Variants in GRM8 observed in about 807,000 individuals in gnomAD.
The protein encoded by GRM8 is glutamate metabotropic receptor 8.
In GRM8, 47 loss-of-function variants were observed where a neutral mutation model predicts 87.2. The ratio of observed to expected loss-of-function variants is 0.54; its 90% confidence interval spans 0.43 to 0.69. The LOEUF (loss-of-function observed/expected upper bound fraction) is 0.69, where lower values mean the gene tolerates loss of function less well. Among genes scored for constraint, GRM8 ranks in the 30% least tolerant of loss-of-function variants. GRM8 has a pLI of 0.00. For missense variants in GRM8, 1,019 were observed against 1,139.2 expected, an observed-to-expected ratio of 0.89 and a Z score of 1.52; for synonymous variants, 396 against 404.5, an observed-to-expected ratio of 0.98 and a Z score of 0.25.
At chr7:126,852,233 G>T (rs1225128062) in intron 6 of GRM8, among the ~76,000 whole-genome samples, 3 of 152,144 alleles carry the variant, frequency 2.0e-5, no homozygotes. Context: ...GCCTGTTTCT[G>T]TGTATCCCAG....
intron 6 of GRM8, among the ~76,000 whole-genome samples, chr7:126,796,293 TATC>T (rs1821941150): frequency 6.6e-6 from 1 of 151,926 alleles, no homozygotes; most frequent in Non-Finnish European, 1.5e-5. Context: ...CACATCAACA[TATC>T]ATATCATATC....
At chr7:126,545,308 A>G (rs1817023902) in intron 8 of GRM8, among the ~76,000 whole-genome samples, 2 of 152,238 alleles carry the variant, frequency 1.3e-5, no homozygotes, top group Non-Finnish European at 2.9e-5. Context: ...TGCAGGGCAC[A>G]TATGGTATTT....
At position 126,518,818 on chromosome 7, in the gene GRM8, T is replaced by A. The variant is rs183989126; in HGVS notation, c.2430+14134A>T. On this transcript the variant is annotated intron_variant, in intron 9 of 10. Coordinates refer to ENST00000339582, the MANE Select transcript of GRM8 (RefSeq NM_000845.3). ...CATTTTTTTTTCTAAAATAAGAGCA[T>A]CTTAGAATTAAACAGACCCTTAGAG... is the stretch of plus-strand genomic sequence containing the variant. Among the ~76,000 whole-genome samples, 20 of 152,094 alleles carry A rather than the reference T, an allele frequency of 1.3e-4. No individual in the cohort carries two copies. The East Asian group carries it at 3.9e-3, about 29-fold the overall frequency.
chr7:126,760,507 T>C (rs934987114), intron 7 of GRM8, among the ~76,000 whole-genome samples: 5 of 152,186 alleles, frequency 3.3e-5, no homozygotes, highest in African/African-American at 1.2e-4. Context: ...AATTTCATGG[T>C]GATTTAATGG....
intron 3 of GRM8, among the ~76,000 whole-genome samples, chr7:127,091,759 C>A (rs1004739477): frequency 1.5e-5 from 2 of 136,828 alleles, no homozygotes; most frequent in South Asian, 2.7e-4. Context: ...TCCCGTCCCA[C>A]TGATCATCCC....
At chr7:126,920,982 C>A (rs1433596694) in intron 3 of GRM8, among the ~76,000 whole-genome samples, 1 of 152,082 alleles carries the variant, frequency 6.6e-6, no homozygotes, top group Non-Finnish European at 1.5e-5. Context: ...AGCCCACTGG[C>A]CAATGAATTT....
intron 3 of GRM8, among the ~76,000 whole-genome samples, chr7:127,040,350 C>T (rs1818307926): frequency 6.6e-6 from 1 of 152,082 alleles, no homozygotes; most frequent in African/African-American, 2.4e-5. Flanking sequence ...CACTGGAAGA[C>T]CTCCATCACT....
At chr7:126,543,507 A>G (rs1248737964) in intron 8 of GRM8, among the ~76,000 whole-genome samples, 2 of 152,246 alleles carry the variant, frequency 1.3e-5, no homozygotes, top group Non-Finnish European at 2.9e-5. Context: ...AAGACCTAAT[A>G]GGCATCAATA....
At chr7:126,765,188 G>T (rs879524937) in intron 7 of GRM8, among the ~76,000 whole-genome samples, 2 of 152,044 alleles carry the variant, frequency 1.3e-5, no homozygotes, top group Non-Finnish European at 2.9e-5. Context: ...GAGATCCTCT[G>T]CTATCCTGTG....
intron 3 of GRM8, among the ~76,000 whole-genome samples, chr7:126,967,967 C>T (rs1359944158): frequency 1.3e-5 from 2 of 152,138 alleles, no homozygotes; most frequent in Non-Finnish European, 2.9e-5. Context: ...TAATAAATCC[C>T]AATTCATATG....
At chr7:127,022,391 C>T (rs1816363066) in intron 3 of GRM8, among the ~76,000 whole-genome samples, 1 of 151,960 alleles carries the variant, frequency 6.6e-6, no homozygotes, top group Admixed American at 6.6e-5. Flanking sequence ...CAAATGTCAA[C>T]TTATAAAAGA....
chr7:126,698,125 C>T (rs866508795), intron 7 of GRM8, among the ~76,000 whole-genome samples: 6 of 152,114 alleles, frequency 3.9e-5, no homozygotes, highest in South Asian at 2.1e-4. Context: ...AAACATGCTA[C>T]GTATTCAGGA....
intron 3 of GRM8, among the ~76,000 whole-genome samples, chr7:126,993,711 T>G (rs2131969783): frequency 6.6e-6 from 1 of 152,282 alleles, no homozygotes; most frequent in East Asian, 1.9e-4. Flanking sequence ...TGCATTGAAC[T>G]GAGTTTTGCC....
At chr7:126,688,955 A>G (rs1035656976) in intron 7 of GRM8, among the ~76,000 whole-genome samples, 1 of 152,156 alleles carries the variant, frequency 6.6e-6, no homozygotes, top group Non-Finnish European at 1.5e-5. Context: ...GAGCAACTGC[A>G]TCTTTCCATT....
intron 3 of GRM8, among the ~76,000 whole-genome samples, chr7:127,026,467 A>G (rs1482430597): frequency 6.6e-6 from 1 of 152,184 alleles, no homozygotes; most frequent in Non-Finnish European, 1.5e-5. Flanking sequence ...TCCCACCAAC[A>G]GTGTAAAAGC....
At chr7:127,166,731 G>T (rs908836037) in intron 2 of GRM8, among the ~76,000 whole-genome samples, 3 of 152,136 alleles carry the variant, frequency 2.0e-5, no homozygotes, top group African/African-American at 7.2e-5. Flanking sequence ...GAGAAGAAAA[G>T]ATACCTGAAA....
chr7:126,602,532 C>A (rs967821823), intron 8 of GRM8, among the ~76,000 whole-genome samples: 5 of 141,624 alleles, frequency 3.5e-5, no homozygotes, highest in Admixed American at 1.4e-4. Context: ...GCAGTATGGC[C>A]ATTTTCACCG....
At chr7:126,508,250 GGCACAC>G (rs1043695855) in intron 9 of GRM8, among the ~76,000 whole-genome samples, 1 of 58,536 alleles carries the variant, frequency 1.7e-5, no homozygotes, top group Non-Finnish European at 3.7e-5. Flanking sequence ...CACACACACT[GGCACAC>G]ACACACACAC....
intron 3 of GRM8, among the ~76,000 whole-genome samples, chr7:127,086,789 T>C (rs953542250): frequency 6.6e-6 from 1 of 152,174 alleles, no homozygotes; most frequent in Non-Finnish European, 1.5e-5. Context: ...CCAAGGGACA[T>C]CTCCTGTTTT....
Sources: allele counts gnomAD v4.1 joint callset (sites outside exome capture counted in the v4.1 genomes callset), GRCh38; gene constraint gnomAD v4.1.1; transcripts MANE v1.5; gene names NCBI Gene and HGNC (gene_info 2026-07-23, HGNC 2026-07-21).